The following ADAMTS3 variants were observed in gnomAD, a reference collection of about 807,000 sequenced individuals.
ADAMTS3 encodes the protein A disintegrin and metalloproteinase with thrombospondin motifs 3.
In ADAMTS3, 73 loss-of-function variants were observed where a neutral mutation model predicts 129.0. The ratio of observed to expected loss-of-function variants is 0.57; its 90% confidence interval spans 0.47 to 0.69. The LOEUF (loss-of-function observed/expected upper bound fraction) is 0.69. Among genes scored for constraint, ADAMTS3 ranks in the 30% least tolerant of loss-of-function variants. The pLI is 0.00. For missense variants in ADAMTS3, 1,457 were observed against 1,514.5 expected (o/e 0.96, Z 0.63); for synonymous variants, 477 against 510.8 (o/e 0.93, Z 0.89).
chr4:72,460,349 A>G (rs772644838), intron 3 of ADAMTS3, among the ~76,000 whole-genome samples: 22 of 151,696 alleles, frequency 1.5e-4, no homozygotes, highest in Non-Finnish European at 2.7e-4. Flanking sequence ...ACCATTTGAA[A>G]GCAACTTCAA....
At chr4:72,502,206 T>C (rs1182463853) in intron 3 of ADAMTS3, among the ~76,000 whole-genome samples, 2 of 152,108 alleles carry the variant, frequency 1.3e-5, no homozygotes, top group Non-Finnish European at 2.9e-5. Context: ...GTCTTTTTTG[T>C]ACATCTTGTA....
At chr4:72,530,239 AATAT>A (rs1268600382) in intron 3 of ADAMTS3, among the ~76,000 whole-genome samples, 6 of 79,980 alleles carry the variant, frequency 7.5e-5, no homozygotes, top group African/African-American at 3.0e-4. Context: ...ATATATATTA[AATAT>A]ATATAATATA....
At chr4:72,412,084 T>C (rs528562182) in intron 4 of ADAMTS3, among the ~76,000 whole-genome samples, 1 of 152,236 alleles carries the variant, frequency 6.6e-6, no homozygotes, top group Admixed American at 6.5e-5. Flanking sequence ...GAATATTACA[T>C]GGGCCTTACT....
At chr4:72,437,941 G>A (rs1048735685) in intron 3 of ADAMTS3, among the ~76,000 whole-genome samples, 6 of 151,782 alleles carry the variant, frequency 4.0e-5, no homozygotes, top group African/African-American at 1.4e-4. Context: ...CCCATTAAAT[G>A]GGAAAGATGA....
chr4:72,347,894 G>A (rs147703786), intron 4 of ADAMTS3, among the ~76,000 whole-genome samples: 43 of 152,012 alleles, frequency 2.8e-4, no homozygotes, highest in African/African-American at 1.0e-3. Flanking sequence ...CCGTTTCAAA[G>A]CTCATGTTAC....
intron 3 of ADAMTS3, among the ~76,000 whole-genome samples, chr4:72,520,401 G>A (rs1182786972): frequency 2.0e-5 from 3 of 152,180 alleles, no homozygotes; most frequent in Admixed American, 6.5e-5. Context: ...AGTCTGCAGA[G>A]GTTACTGCTG....
At chr4:72,534,878 G>T (rs1477836693) in intron 3 of ADAMTS3, among the ~76,000 whole-genome samples, 1 of 152,126 alleles carries the variant, frequency 6.6e-6, no homozygotes, top group Non-Finnish European at 1.5e-5. Flanking sequence ...GACCAAAATG[G>T]CTCAAAGAGT....
At chr4:72,285,070 T>C (rs1311574750) in intron 21 of ADAMTS3, among the ~76,000 whole-genome samples, 2 of 152,196 alleles carry the variant, frequency 1.3e-5, no homozygotes, top group Non-Finnish European at 1.5e-5. Flanking sequence ...GGTAATACTA[T>C]ACTGCTAAGA....
At chr4:72,350,692 G>A (rs963473325) in intron 4 of ADAMTS3, among the ~76,000 whole-genome samples, 12 of 151,932 alleles carry the variant, frequency 7.9e-5, no homozygotes, top group East Asian at 1.9e-4. Flanking sequence ...GGCCAGACCC[G>A]TCTGTCTACC....
Position 72,567,517 on chromosome 4 carries a change from G to C in ADAMTS3, c.70-116C>G, listed in dbSNP as rs182544803. 10 of 1,042,962 alleles carry C rather than the reference G, an allele frequency of 9.6e-6. No individual in the cohort carries two copies. The East Asian group carries it at 2.6e-4, about 27-fold the overall frequency. The allele number at this position is 1,042,962 out of a possible 1,614,324, so 64.6% of individuals were successfully genotyped here. On this transcript the variant is annotated intron_variant, in intron 1 of 21. Transcript: ENST00000286657. ...AGAGCTAACTAATCAGGAGATGCTA[G>C]AGACTGGGATTGGTGCCTAAAGCCT... is the stretch of plus-strand genomic sequence containing the variant.
chr4:72,349,296 T>C (rs1720366353), intron 4 of ADAMTS3, among the ~76,000 whole-genome samples: 1 of 152,176 alleles, frequency 6.6e-6, no homozygotes, highest in East Asian at 1.9e-4. Flanking sequence ...TTATTATTGT[T>C]ATGGCTGTTT....
intron 4 of ADAMTS3, among the ~76,000 whole-genome samples, chr4:72,388,400 A>G (rs1471299270): frequency 6.6e-6 from 1 of 152,198 alleles, no homozygotes; most frequent in Non-Finnish European, 1.5e-5. Context: ...AAAGTCTGTC[A>G]TCAAGACCTA....
intron 4 of ADAMTS3, among the ~76,000 whole-genome samples, chr4:72,361,499 T>G (rs1014367057): frequency 6.6e-6 from 1 of 152,034 alleles, no homozygotes; most frequent in Non-Finnish European, 1.5e-5. Context: ...ATCTTTACAG[T>G]AGATTTATTT....
chr4:72,500,762 T>C (rs2110023646), intron 3 of ADAMTS3, among the ~76,000 whole-genome samples: 1 of 152,308 alleles, frequency 6.6e-6, no homozygotes, highest in South Asian at 2.1e-4. Context: ...TACATTTAAA[T>C]CTTTAATCCA....
chr4:72,509,150 A>AT (rs1720243091), intron 3 of ADAMTS3, among the ~76,000 whole-genome samples: 1 of 151,988 alleles, frequency 6.6e-6, no homozygotes, highest in Non-Finnish European at 1.5e-5. Flanking sequence ...ATTTATAGCT[A>AT]TAAGTGTCTA....
chr4:72,516,395 G>A (rs894348702), intron 3 of ADAMTS3, among the ~76,000 whole-genome samples: 12 of 152,154 alleles, frequency 7.9e-5, no homozygotes, highest in Middle Eastern at 3.4e-3. Flanking sequence ...AACTTGATGG[G>A]GATGGCACCA....
At position 72,530,081 on chromosome 4, in the gene ADAMTS3, T is replaced by TAATATAATATTATATATTATATATTATA. The variant is rs1553921133; in HGVS notation, c.504+18396_504+18397insTATAATATATAATATATAATATTATATT. ...AATATGTTATATATAACATATTATATTTATATATAATATGTTATATATAAC... is the reference window on the plus strand; with the variant it reads ...AATATGTTATATATAACATATTATATAATATAATATTATATATTATATATTATATTATATATAATATGTTATATATAAC... On this transcript the variant is annotated intron_variant, in intron 3 of 21. Coordinates refer to ENST00000286657, the MANE Select transcript of ADAMTS3 (RefSeq NM_014243.3). Among the ~76,000 whole-genome samples, 4 of 3,494 alleles carry TAATATAATATTATATATTATATATTATA rather than the reference T, an allele frequency of 1.1e-3. 1 individual carries two copies. The highest frequency in any genetic ancestry group is 6.7e-3 in the African/African-American group (4 of 596). The allele number at this position is 3,494 out of a possible 152,430, so 2.3% of individuals were successfully genotyped here. A position where few individuals can be genotyped will look rare whatever the true frequency, so the allele number is the denominator to read the frequency against.
In ADAMTS3 at chr4:72,319,432, C is replaced by T; in HGVS notation, c.1252G>A (p.Glu418Lys). ...GCCATGACACTTCCCATAGCAGTCT[C>T]ATCACCACACCTGTTGCCTTGTCCA... is the stretch of plus-strand genomic sequence containing the variant. Reference protein sequence around the residue: ...HDGQGNRCGDETAMGSVMAPL... With the variant: ...HDGQGNRCGDKTAMGSVMAPL... The change falls in exon 9 of 22, where the codon GAG becomes AAG. Residue 418 changes from glutamate (E) to lysine (K), a missense_variant. By Grantham distance (56) the Glu-to-Lys change is moderately conservative. Coordinates refer to ENST00000286657, the MANE Select transcript of ADAMTS3 (RefSeq NM_014243.3). 1 of 1,613,986 alleles carries T rather than the reference C, an allele frequency of 6.2e-7. No homozygotes were observed. The highest frequency in any genetic ancestry group is 8.5e-7 in the Non-Finnish European group (1 of 1,179,936).
At chr4:72,408,713 A>C (rs1722111511) in intron 4 of ADAMTS3, among the ~76,000 whole-genome samples, 1 of 151,650 alleles carries the variant, frequency 6.6e-6, no homozygotes, top group South Asian at 2.1e-4. Context: ...AAAAAAAAAA[A>C]AGAAGTACAG....
Sources: allele counts gnomAD v4.1 joint callset (sites outside exome capture counted in the v4.1 genomes callset), GRCh38; gene constraint gnomAD v4.1.1; transcripts MANE v1.5; gene names NCBI Gene and HGNC (gene_info 2026-07-23, HGNC 2026-07-21).